FLT1: variants seen among roughly 807,000 people sequenced by gnomAD.
The protein encoded by FLT1 is vascular endothelial growth factor receptor 1.
Under a neutral mutation model 156.3 loss-of-function variants are expected in FLT1, and 49 were observed. The observed-to-expected ratio is 0.31, with a 90% CI of 0.25 to 0.40. The LOEUF is 0.40. FLT1 is among the 10% of genes least tolerant of loss of function. The probability of loss-of-function intolerance (pLI) is 1.00; values close to 1 mark genes in which losing one functional copy is unlikely to be tolerated. For synonymous variants in FLT1, 594 were observed against 583.8 expected, an observed-to-expected ratio of 1.02 and a Z score of -0.25; for missense variants, 1,322 against 1,637.2, an observed-to-expected ratio of 0.81 and a Z score of 3.32.
intron 14 of FLT1, among the ~76,000 whole-genome samples, chr13:28,384,037 A>T (rs952956261): frequency 6.6e-6 from 1 of 152,220 alleles, no homozygotes; most frequent in African/African-American, 2.4e-5. Flanking sequence ...AAATAAACCT[A>T]TACCCACTGG....
chr13:28,343,895 G>T (rs2138857253), intron 16 of FLT1, among the ~76,000 whole-genome samples: 1 of 152,092 alleles, frequency 6.6e-6, no homozygotes, highest in East Asian at 1.9e-4. Context: ...ACCTGCCTCA[G>T]CCTCCCAAAG....
chr13:28,470,307 C>T (rs1397482311), intron 1 of FLT1, among the ~76,000 whole-genome samples: 2 of 152,198 alleles, frequency 1.3e-5, no homozygotes, highest in African/African-American at 4.8e-5. Flanking sequence ...TTTTCTAAAG[C>T]CACAGCCAGC....
chr13:28,404,976 C>T (rs555093912), intron 11 of FLT1, among the ~76,000 whole-genome samples: 12 of 150,082 alleles, frequency 8.0e-5, no homozygotes, highest in African/African-American at 1.2e-4. Flanking sequence ...GCCGAGATCA[C>T]GCCATCGCAC....
At chr13:28,437,779 C>T (rs939204095) in intron 4 of FLT1, among the ~76,000 whole-genome samples, 1 of 152,110 alleles carries the variant, frequency 6.6e-6, no homozygotes, top group Non-Finnish European at 1.5e-5. Flanking sequence ...CAATTCAAAC[C>T]AAACGTGCTG....
At chr13:28,410,473 C>A (rs1315241814) in intron 10 of FLT1, among the ~76,000 whole-genome samples, 1 of 152,192 alleles carries the variant, frequency 6.6e-6, no homozygotes, top group Non-Finnish European at 1.5e-5. Context: ...TATAGCAATC[C>A]AGTATAAAAT....
At chr13:28,453,079 T>C (rs1879061818) in intron 3 of FLT1, among the ~76,000 whole-genome samples, 3 of 29,946 alleles carry the variant, frequency 1.0e-4, no homozygotes, top group African/African-American at 2.0e-4. Flanking sequence ...TTCCTTTCCT[T>C]TCCTTTCCTT....
At chr13:28,310,393 A>G (rs1870950266) in intron 27 of FLT1, among the ~76,000 whole-genome samples, 1 of 146,184 alleles carries the variant, frequency 6.8e-6, no homozygotes, top group South Asian at 2.4e-4. Flanking sequence ...TTATTCTGCC[A>G]CTTTCTAGCC....
intron 13 of FLT1, chr13:28,387,762 C>A (rs563094230): frequency 6.7e-6 from 7 of 1,044,934 alleles, no homozygotes; most frequent in African/African-American, 1.7e-5. Flanking sequence ...GGGTAACATA[C>A]CCCTAGGGTA....
At chr13:28,489,674 C>T (rs1172025259) in intron 1 of FLT1, among the ~76,000 whole-genome samples, 4 of 152,072 alleles carry the variant, frequency 2.6e-5, no homozygotes, top group Admixed American at 6.6e-5. Flanking sequence ...AAAGTGAAGG[C>T]GCCTCTGAAG....
At chr13:28,341,099 T>C (rs1403720480) in intron 16 of FLT1, among the ~76,000 whole-genome samples, 2 of 152,150 alleles carry the variant, frequency 1.3e-5, no homozygotes, top group African/African-American at 4.8e-5. Flanking sequence ...CTTGGGCTCA[T>C]GCAGGATGTG....
chr13:28,374,806 C>T (rs1873774301), intron 14 of FLT1, among the ~76,000 whole-genome samples: 1 of 152,074 alleles, frequency 6.6e-6, no homozygotes, highest in African/African-American at 2.4e-5. Flanking sequence ...AGCCACCGTG[C>T]CCGGCCCTCC....
Position 28,430,127 on chromosome 13 carries a change from C to A in FLT1, c.1029G>T (p.Val343=), listed in dbSNP as rs1252167710. 6.2e-7 allele frequency: 1 copy of A among 1,613,902 alleles called. No homozygotes were observed. The highest frequency in any genetic ancestry group is 1.1e-5 in the South Asian group (1 of 91,082). The change falls in exon 8 of 30, where the codon GTG becomes GTT. Residue 343 remains valine, a synonymous_variant. Transcript: ENST00000282397. Reference sequence around the variant, plus strand: ...ACCGCTTGCCAGCTACGGTTTCAAGCACCTGCTGTTTTCGATGTTTCACAG... The same window carrying A: ...ACCGCTTGCCAGCTACGGTTTCAAGAACCTGCTGTTTTCGATGTTTCACAG... ...FITVKHRKQQ[V]LETVAGKRSY... is the part of the protein sequence containing the mutation.
At chr13:28,320,496 C>T (rs1005387981) in intron 23 of FLT1, among the ~76,000 whole-genome samples, 5 of 151,856 alleles carry the variant, frequency 3.3e-5, no homozygotes, top group African/African-American at 9.7e-5. Context: ...GAATGCAGCC[C>T]GACACAAATT....
chr13:28,423,658 C>T (rs572616285), intron 10 of FLT1, among the ~76,000 whole-genome samples: 14 of 152,290 alleles, frequency 9.2e-5, no homozygotes, highest in South Asian at 4.1e-4. Context: ...TTACCTCATT[C>T]GATCCTCATA....
At chr13:28,336,244 C>T (rs1272724524) in intron 17 of FLT1, among the ~76,000 whole-genome samples, 2 of 152,136 alleles carry the variant, frequency 1.3e-5, no homozygotes, top group African/African-American at 4.8e-5. Context: ...CATTTGGCTT[C>T]CCTCAGCCTT....
chr13:28,462,868 C>G (rs1289722542), intron 3 of FLT1, among the ~76,000 whole-genome samples: 1 of 152,184 alleles, frequency 6.6e-6, no homozygotes, highest in Non-Finnish European at 1.5e-5. Flanking sequence ...AGAGCAGGCC[C>G]CTATCTGGCC....
chr13:28,453,022 CT>C (rs1879045619), intron 3 of FLT1, among the ~76,000 whole-genome samples: 1 of 33,432 alleles, frequency 3.0e-5, no homozygotes, highest in African/African-American at 2.1e-4. Flanking sequence ...CCCCCTCCCC[CT>C]CCCCTTTCCT....
Position 28,311,602 on chromosome 13 carries a change from G to C in FLT1, c.3623C>G (p.Ser1208Cys), listed in dbSNP as rs1414307870. 2 of 1,613,256 alleles carry C rather than the reference G, an allele frequency of 1.2e-6. No homozygotes were observed. Among genetic ancestry groups the C allele is most frequent in the African/African-American group, 2.7e-5 (2 of 74,828 alleles). Residue 1208 changes from serine to cysteine, a missense_variant, in exon 27 of 30, where the codon TCT becomes TGT. Ser to Cys is a moderately radical substitution (Grantham distance 112). Around this residue, in one of 3 missense-constraint regions of FLT1, gnomAD observed 329 missense variants for 366.2 expected, o/e 0.90. Coordinates refer to ENST00000282397, the MANE Select transcript of FLT1 (RefSeq NM_002019.4). ...ISAPKFNSGS[S>C]DDVRYVNAFK... ...AAAGAAATCTTACCTGACATCATCA[G>C]AGCTTCCTGAATTAAACTTCGGAGC... is the stretch of plus-strand genomic sequence containing the variant.
At chr13:28,368,627 G>A in intron 14 of FLT1, 1 of 1,272,990 alleles carries the variant, frequency 7.9e-7, no homozygotes, top group Non-Finnish European at 1.1e-6. Context: ...CAATGGTGAT[G>A]ATGACGATGA....
Sources: gnomAD v4.1 joint callset for allele counts (sites outside exome capture counted in the v4.1 genomes callset) on GRCh38, gnomAD v4.1.1 for gene constraint, gnomAD v4.1.1 regional missense constraint, MANE v1.5 for transcripts, NCBI Gene and HGNC (gene_info 2026-07-23, HGNC 2026-07-21) for gene names.